Variants in CCDC68 observed in about 807,000 individuals in gnomAD.
The protein encoded by CCDC68 is coiled-coil domain-containing protein 68.
A neutral mutation model predicts 47.1 loss-of-function variants in CCDC68; 45 were observed. The observed-to-expected ratio is 0.96, with a 90% CI of 0.75 to 1.23. The LOEUF (loss-of-function observed/expected upper bound fraction) is 1.23. Among genes scored for constraint, CCDC68 ranks in the 50% most tolerant of loss-of-function variants. CCDC68 has a pLI of 0.00. For missense variants in CCDC68, 353 were observed against 373.6 expected, an observed-to-expected ratio of 0.94 and a Z score of 0.45; for synonymous variants, 131 against 129.5, an observed-to-expected ratio of 1.01 and a Z score of -0.08.
chr18:54,950,047 T>C lies in CCDC68; in HGVS notation c.-102-4570A>G, dbSNP rs1050283092. Among the ~76,000 whole-genome samples, 4 of 152,176 alleles carry C rather than the reference T, an allele frequency of 2.6e-5. 1 individual carries two copies. The highest frequency in any genetic ancestry group is 6.5e-5 in the Admixed American group (1 of 15,280). On this transcript the variant is annotated intron_variant, in intron 1 of 11. Coordinates refer to ENST00000591504, the MANE Select transcript of CCDC68 (RefSeq NM_025214.3). ...TCCTCCCATTTTCCAAACCTAGTTT[T>C]TCAACATTCCCATCAATTCCGGTAG...
intron 8 of CCDC68, among the ~76,000 whole-genome samples, chr18:54,927,221 T>G (rs2044161161): frequency 6.6e-6 from 1 of 152,186 alleles, no homozygotes; most frequent in African/African-American, 2.4e-5. Context: ...ATACCTACAA[T>G]CTGTAAAAAT....
In CCDC68 at chr18:54,937,985, T is replaced by C. The variant is rs1472844038; in HGVS notation, c.317A>G (p.Asn106Ser). 2.5e-6 allele frequency: 4 copies of C among 1,612,340 alleles called. No homozygotes were observed. Among genetic ancestry groups the C allele is most frequent in the Non-Finnish European group, 3.4e-6 (4 of 1,179,374 alleles). Reference protein sequence around the residue: ...KGKDLQLLEMNKENEVLKIKL... With the variant: ...KGKDLQLLEMSKENEVLKIKL... Reference sequence around the variant, plus strand: ...GATTTTCAATACTTCATTCTCTTTGTTCATTTCTAAGAGCTGTAGGTCTTT... The same window carrying C: ...GATTTTCAATACTTCATTCTCTTTGCTCATTTCTAAGAGCTGTAGGTCTTT... The change falls in exon 5 of 12, where the codon AAC (asparagine) becomes AGC (serine). Residue 106 changes from asparagine to serine, a missense_variant. Physicochemically the swap from Asn to Ser is conservative, Grantham distance 46 (BLOSUM62 1). Transcript: ENST00000591504.
intron 1 of CCDC68, among the ~76,000 whole-genome samples, chr18:54,948,746 T>C (rs1214610772): frequency 1.3e-5 from 2 of 152,014 alleles, no homozygotes; most frequent in Non-Finnish European, 2.9e-5. Context: ...CGAGTAAATA[T>C]AGAGGGAGTC....
intron 4 of CCDC68, among the ~76,000 whole-genome samples, chr18:54,940,524 C>G (rs1234229519): frequency 9.9e-5 from 15 of 152,162 alleles, no homozygotes; most frequent in Admixed American, 4.6e-4. Flanking sequence ...TGTGGTTTAG[C>G]TTGGTGTAAT....
In CCDC68 at chr18:54,928,738, G is replaced by A. The variant is rs539578402; in HGVS notation, c.683+62C>T. 4 of 1,008,982 alleles carry A rather than the reference G, an allele frequency of 4.0e-6. No individual in the cohort carries two copies. In the African/African-American group the frequency reaches 4.8e-5, roughly 12 times the overall value. 62.5% of individuals were successfully genotyped at this position (1,008,982 alleles called of 1,614,324 possible). On this transcript the variant is annotated intron_variant, in intron 8 of 11. Transcript: ENST00000591504. ...CAGAAGGTCTTCTGTTCCCTGGCTG[G>A]CATACCAGTGGACAGGAAAGAAATC...
intron 4 of CCDC68, among the ~76,000 whole-genome samples, chr18:54,940,338 CAT>C (rs976228966): frequency 6.6e-6 from 1 of 152,182 alleles, no homozygotes; most frequent in Admixed American, 6.5e-5. Flanking sequence ...CATTCCTAAA[CAT>C]AACCTTGTTT....
At chr18:54,945,518 A>G (rs935738291) in intron 1 of CCDC68, 41 bp from the exon 2 acceptor site, 1 of 151,426 alleles carries the variant, frequency 6.6e-6, no homozygotes, top group Admixed American at 6.6e-5. Context: ...TTTAAAATCT[A>G]ACAGTTGTGA....
intron 1 of CCDC68, among the ~76,000 whole-genome samples, chr18:54,946,740 G>C (rs1020650652): frequency 1.3e-5 from 2 of 152,036 alleles, no homozygotes; most frequent in East Asian, 1.9e-4. Flanking sequence ...CCACTCACTG[G>C]TTGGGCCACC....
At chr18:54,944,636 C>A (rs541396931) in intron 2 of CCDC68, among the ~76,000 whole-genome samples, 1 of 151,676 alleles carries the variant, frequency 6.6e-6, no homozygotes, top group South Asian at 2.1e-4. Context: ...TAAAACCTGG[C>A]AAAAAAAGAA....
intron 1 of CCDC68, among the ~76,000 whole-genome samples, chr18:54,952,149 G>A (rs952314764): frequency 2.0e-5 from 3 of 152,146 alleles, no homozygotes; most frequent in Admixed American, 2.0e-4. Flanking sequence ...TAACCCATCA[G>A]CCAATTATTC....
At position 54,933,351 on chromosome 18, in the gene CCDC68, G is replaced by A. The variant is rs113434985; in HGVS notation, c.600+1469C>T. On this transcript the variant is annotated intron_variant, in intron 7 of 11. Coordinates refer to ENST00000591504, the MANE Select transcript of CCDC68 (RefSeq NM_025214.3). ...CCACCTCGGCCTCCCAAAGTGCTGG[G>A]ATTATAGGCATGAACCACCATGCCC... Among the ~76,000 whole-genome samples the A allele has an allele frequency of 4.3e-3, 662 of 152,252 alleles. 8 individuals carry two copies. Among genetic ancestry groups the A allele is most frequent in the African/African-American group, 0.015 (628 of 41,548 alleles).
At position 54,917,917 on chromosome 18, in the gene CCDC68, G is replaced by A. The variant is rs1410849851; in HGVS notation, c.869C>T (p.Ala290Val). 1.9e-6 allele frequency: 3 copies of A among 1,569,632 alleles called. No individual in the cohort carries two copies. Among genetic ancestry groups the A allele is most frequent in the African/African-American group, 1.4e-5 (1 of 73,764 alleles). Residue 290 changes from alanine (A) to valine (V), a missense_variant, in exon 10 of 12, where the codon GCC becomes GTC. Physicochemically the swap from Ala to Val is moderately conservative, Grantham distance 64. Coordinates refer to ENST00000591504, the MANE Select transcript of CCDC68 (RefSeq NM_025214.3). The part of the protein sequence containing the change: ...NLREKVNILE[A>V]QNKELKTQVA... ...TAAGACAGGTTCCCTCCTTACCTGG[G>A]CTTCAAGTATGTTAACCTTTTCTCT...
intron 2 of CCDC68, among the ~76,000 whole-genome samples, chr18:54,944,905 CA>C (rs2044500363): frequency 6.6e-6 from 1 of 152,094 alleles, no homozygotes; most frequent in African/African-American, 2.4e-5. Flanking sequence ...TTAAGAGATA[CA>C]GGACCAAATG....
rs2044374404 is a variant in CCDC68, at chr18:54,937,889, A to G, written c.345+68T>C. On this transcript the variant is annotated intron_variant, in intron 5 of 11. Transcript: ENST00000591504. ...TCTCTCTGCTTTTACAGAGCCACAGATGCTAACAACCCATTCTATTAGCTC... is the reference window on the plus strand; with the variant it reads ...TCTCTCTGCTTTTACAGAGCCACAGGTGCTAACAACCCATTCTATTAGCTC... 6 of 1,415,554 alleles carry G rather than the reference A, an allele frequency of 4.2e-6. No individual in the cohort carries two copies. The African/African-American group carries it at 5.7e-5, about 13-fold the overall frequency. The allele number at this position is 1,415,554 out of a possible 1,614,324, so 87.7% of individuals were successfully genotyped here.
At chr18:54,910,367 A>T (rs1008929231) in intron 10 of CCDC68, among the ~76,000 whole-genome samples, 1 of 152,144 alleles carries the variant, frequency 6.6e-6, no homozygotes, top group Non-Finnish European at 1.5e-5. Context: ...TGGAGTGGGT[A>T]GCTCTTCTCT....
intron 1 of CCDC68, among the ~76,000 whole-genome samples, chr18:54,950,897 CTTTTTTTTTTT>C (rs869026740): frequency 1.6e-5 from 1 of 61,946 alleles, no homozygotes; most frequent in Non-Finnish European, 2.7e-5. Context: ...ATTCAGATGT[CTTTTTTTTTTT>C]TTTTTTTTTT....
rs773758990 is a variant in CCDC68 at position 54,919,287 on chromosome 18, C to A, written c.773G>T (p.Arg258Leu). ...FVIHSQHQNL[R>L]SVIQEMEGLK... ...TAATCTGACCTCCTGGATGACACTG[C>A]GCAGGTTCTGATGTTGGGAGTGAAT... The change falls in exon 9 of 12, where the codon CGC (arginine) becomes CTC (leucine). Residue 258 changes from arginine to leucine, a missense_variant. Physicochemically the swap from Arg to Leu is moderately radical, Grantham distance 102. Transcript: ENST00000591504. 5 of 1,613,058 alleles carry A rather than the reference C, an allele frequency of 3.1e-6. No homozygotes were observed. Among genetic ancestry groups the A allele is most frequent in the Non-Finnish European group, 4.2e-6 (5 of 1,179,108 alleles).
Position 54,917,933 on chromosome 18 carries a change from C to T in CCDC68, c.853G>A (p.Val285Ile), listed in dbSNP as rs1246202203. Residue 285 changes from valine (V) to isoleucine (I), a missense_variant, in exon 10 of 12, where the codon GTT becomes ATT. Physicochemically the swap from Val to Ile is conservative, Grantham distance 29. Transcript: ENST00000591504. ...DKRIENLREKVNILEAQNKEL... is the reference protein window; with the variant it reads ...DKRIENLREKINILEAQNKEL... Reference sequence around the variant, plus strand: ...CTTACCTGGGCTTCAAGTATGTTAACCTTTTCTCTGAGATTTTCAATTCTT... The same window carrying T: ...CTTACCTGGGCTTCAAGTATGTTAATCTTTTCTCTGAGATTTTCAATTCTT... The T allele has an allele frequency of 6.3e-7, 1 of 1,578,008 alleles. No individual in the cohort carries two copies.
chr18:54,935,278 C>CA (rs546326522), intron 6 of CCDC68, among the ~76,000 whole-genome samples: 13 of 151,580 alleles, frequency 8.6e-5, no homozygotes, highest in South Asian at 2.1e-4. Context: ...TTATCCAGAA[C>CA]AAAAAAAACC....
Sources: gnomAD v4.1 joint callset for allele counts (sites outside exome capture counted in the v4.1 genomes callset) on GRCh38, gnomAD v4.1.1 for gene constraint, MANE v1.5 for transcripts, NCBI Gene and HGNC (gene_info 2026-07-23, HGNC 2026-07-21) for gene names.